ASB13: variants seen among roughly 807,000 people sequenced by gnomAD.
The protein encoded by ASB13 is ankyrin repeat and SOCS box containing 13, also known as ankyrin repeat and SOCS box protein 13.
Under a neutral mutation model 28.8 loss-of-function variants are expected in ASB13, and 33 were observed. The ratio of observed to expected loss-of-function variants is 1.15; its 90% CI spans 0.87 to 1.53. The LOEUF is 1.53. Ranked by LOEUF, ASB13 falls within the 40% of genes most tolerant of loss-of-function variation. The pLI is 0.00. For synonymous variants in ASB13, 182 were observed against 172.9 expected, an observed-to-expected ratio of 1.05 and a Z score of -0.41; for missense variants, 414 against 390.1, an observed-to-expected ratio of 1.06 and a Z score of -0.52.
Position 5,659,307 on chromosome 10 carries a change from A to G in ASB13, c.44-6257T>C, listed in dbSNP as rs1300867450. 6.6e-6 allele frequency among the ~76,000 whole-genome samples: 1 copy of G among 152,134 alleles called. No individual in the cohort carries two copies. The highest frequency in any genetic ancestry group is 2.4e-5 in the African/African-American group (1 of 41,422). On this transcript the variant is annotated intron_variant, in intron 1 of 5. Coordinates refer to ENST00000357700, the MANE Select transcript of ASB13 (RefSeq NM_024701.4). The surrounding 1 kb of genome is among the most constrained non-coding windows in gnomAD (Gnocchi z 5.8). The stretch of plus-strand genomic sequence containing the variant: ...CCTAAATCCCACCCACTGCTGCCAC[A>G]TAATAGGTTGCCCCCTCCCTAATGC...
At chr10:5,662,985 G>A (rs2131459733) in intron 1 of ASB13, among the ~76,000 whole-genome samples, 1 of 152,282 alleles carries the variant, frequency 6.6e-6, no homozygotes, top group South Asian at 2.1e-4. Context: ...CCACTTACAA[G>A]TCTGGGCTCA....
rs146312730 is a variant in ASB13 at position 5,649,125 on chromosome 10, G to C, written c.383-21C>G. On this transcript the variant is annotated intron_variant, in intron 3 of 5. Transcript: ENST00000357700. The surrounding 1 kb of genome is among the most constrained non-coding windows in gnomAD (Gnocchi z 6.4). ...ACTCCCTTAAGATAAATGGAAAAGG[G>C]GGGGAATGTCCTTGAATACGGACAC... The C allele has an allele frequency of 9.1e-4, 1,473 of 1,613,846 alleles. 6 individuals carry two copies. The African/African-American group carries it at 0.011, about 12-fold the overall frequency.
In ASB13 at chr10:5,645,160, C is replaced by G. The variant is rs952693232; in HGVS notation, c.518-3199G>C. ...GTGACGTGACGGGACCGCCTAAGAC[C>G]TTAGCACGCCAAGACTGGCACAATC... On this transcript the variant is annotated intron_variant, in intron 4 of 5. Coordinates refer to ENST00000357700, the MANE Select transcript of ASB13 (RefSeq NM_024701.4). This position sits in a 1 kb window ranked among gnomAD's most constrained non-coding sequence, Gnocchi z 5.4. Among the ~76,000 whole-genome samples the G allele has an allele frequency of 1.5e-4, 23 of 151,986 alleles. No individual in the cohort carries two copies. The highest frequency in any genetic ancestry group is 4.1e-4 in the African/African-American group (17 of 41,450).
Position 5,659,182 on chromosome 10 carries a change from C to T in ASB13, c.44-6132G>A, listed in dbSNP as rs111689026. ...TCCCTGTGGTGGCAAGACGCCCCCC[C>T]TCCCCAATCCCTGCACCCTCTCCCT... On this transcript the variant is annotated intron_variant, in intron 1 of 5. Coordinates refer to ENST00000357700, the MANE Select transcript of ASB13 (RefSeq NM_024701.4). This position sits in a 1 kb window ranked among gnomAD's most constrained non-coding sequence, Gnocchi z 5.8. Among the ~76,000 whole-genome samples the T allele has an allele frequency of 6.6e-6, 1 of 152,204 alleles. No individual in the cohort carries two copies. The highest frequency in any genetic ancestry group is 2.4e-5 in the African/African-American group (1 of 41,450).
At chr10:5,653,663 T>C (rs1835025250) in intron 1 of ASB13, among the ~76,000 whole-genome samples, 1 of 52,372 alleles carries the variant, frequency 1.9e-5, no homozygotes, top group Non-Finnish European at 4.1e-5. Context: ...ATGCCATTTA[T>C]TTATTTATTT....
chr10:5,653,724 C>G (rs1212785722), intron 1 of ASB13, among the ~76,000 whole-genome samples: 2 of 152,110 alleles, frequency 1.3e-5, no homozygotes, highest in Non-Finnish European at 2.9e-5. Context: ...CTCTGTCACC[C>G]AGGCTGGAGT....
rs1242821433 is a variant in ASB13 at position 5,642,242 on chromosome 10, G to C, written c.518-281C>G. On this transcript the variant is annotated intron_variant, in intron 4 of 5. Coordinates refer to ENST00000357700, the MANE Select transcript of ASB13 (RefSeq NM_024701.4). This position sits in a 1 kb window ranked among gnomAD's most constrained non-coding sequence, Gnocchi z 4.1. ...AGAAAAATAAAACGAAAAATGTCCTGAGTTAAACAACCGTTCTAATGCCCT... is the reference window on the plus strand; with the variant it reads ...AGAAAAATAAAACGAAAAATGTCCTCAGTTAAACAACCGTTCTAATGCCCT... 6.6e-6 allele frequency among the ~76,000 whole-genome samples: 1 copy of C among 152,162 alleles called. No homozygotes were observed. The highest frequency in any genetic ancestry group is 1.5e-5 in the Non-Finnish European group (1 of 68,030).
At chr10:5,646,460 G>A (rs1035136166) in intron 4 of ASB13, among the ~76,000 whole-genome samples, 2 of 152,246 alleles carry the variant, frequency 1.3e-5, no homozygotes, top group Non-Finnish European at 2.9e-5. Context: ...AACGTCTGGC[G>A]TGTAGGCCTG....
chr10:5,651,210 C>T lies in ASB13; in HGVS notation c.382+3G>A. ...GGGCCAGCCCAGCCGTCTGCCAACT[C>T]ACCGCTCATGCAGGCCTCGTGCAGG... On this transcript the variant is annotated splice_donor_region_variant and intron_variant, in intron 3 of 5. Transcript: ENST00000357700. The surrounding 1 kb of genome is among the most constrained non-coding windows in gnomAD (Gnocchi z 5.1). 1.9e-6 allele frequency: 3 copies of T among 1,600,842 alleles called. No individual in the cohort carries two copies. Among genetic ancestry groups the T allele is most frequent in the Non-Finnish European group, 2.6e-6 (3 of 1,173,562 alleles).
At position 5,664,441 on chromosome 10, in the gene ASB13, A is replaced by G. The variant is rs558476532; in HGVS notation, c.43+2068T>C. ...AACAAAAAGAACACCCGCCATGTCCAAGAAAAGCAAGACATTACACAAAAA... is the reference window on the plus strand; with the variant it reads ...AACAAAAAGAACACCCGCCATGTCCGAGAAAAGCAAGACATTACACAAAAA... On this transcript the variant is annotated intron_variant, in intron 1 of 5. Transcript: ENST00000357700. The surrounding 1 kb of genome is among the most constrained non-coding windows in gnomAD (Gnocchi z 4.2). 2.6e-5 allele frequency among the ~76,000 whole-genome samples: 4 copies of G among 152,338 alleles called. No individual in the cohort carries two copies. In the East Asian group the frequency reaches 7.7e-4, roughly 29 times the overall value.
At chr10:5,643,174 A>C (rs1834835859) in intron 4 of ASB13, among the ~76,000 whole-genome samples, 1 of 152,238 alleles carries the variant, frequency 6.6e-6, no homozygotes, top group South Asian at 2.1e-4. Context: ...TGATAGATTC[A>C]AACCACAAAC....
rs535586563 is a variant in ASB13 at position 5,651,157 on chromosome 10, G to C, written c.382+56C>G. The stretch of plus-strand genomic sequence containing the variant: ...CCTTCCCTAAGTCCCTTTAATCCCA[G>C]AAAGGAGGAAACTTCCAGAGCCCAG... On this transcript the variant is annotated intron_variant, in intron 3 of 5. Coordinates refer to ENST00000357700, the MANE Select transcript of ASB13 (RefSeq NM_024701.4). This position sits in a 1 kb window ranked among gnomAD's most constrained non-coding sequence, Gnocchi z 5.1. The C allele has an allele frequency of 7.5e-5, 115 of 1,539,122 alleles. No individual in the cohort carries two copies. The African/African-American group carries it at 1.4e-3, about 19-fold the overall frequency.
rs1423398946 is a variant in ASB13 at position 5,651,131 on chromosome 10, TC to T, written c.382+81del. The T allele has an allele frequency of 1.3e-6, 2 of 1,488,178 alleles. No individual in the cohort carries two copies. The highest frequency in any genetic ancestry group is 2.8e-5 in the African/African-American group (2 of 70,762). 92.2% of individuals were successfully genotyped at this position (1,488,178 alleles called of 1,614,324 possible). The stretch of plus-strand genomic sequence containing the variant: ...GGCTCCCAATTCTGTCTACTCTGCT[TC>T]CTTCCCTAAGTCCCTTTAATCCCAG... On this transcript the variant is annotated intron_variant, in intron 3 of 5. Coordinates refer to ENST00000357700, the MANE Select transcript of ASB13 (RefSeq NM_024701.4). This position sits in a 1 kb window ranked among gnomAD's most constrained non-coding sequence, Gnocchi z 5.1.
rs940269532 is a variant in ASB13 at position 5,658,606 on chromosome 10, A to G, written c.44-5556T>C. ...TTCATGGGGACAGAATTTCAGTTTT[A>G]CAGGATGAAAAAGTTCTAGAGATCT... On this transcript the variant is annotated intron_variant, in intron 1 of 5. Coordinates refer to ENST00000357700, the MANE Select transcript of ASB13 (RefSeq NM_024701.4). The surrounding 1 kb of genome is among the most constrained non-coding windows in gnomAD (Gnocchi z 4.2). 6.6e-6 allele frequency among the ~76,000 whole-genome samples: 1 copy of G among 152,202 alleles called. No individual in the cohort carries two copies. Among genetic ancestry groups the G allele is most frequent in the Non-Finnish European group, 1.5e-5 (1 of 68,018 alleles).
In ASB13 at chr10:5,641,360, C is replaced by T. The variant is rs1340394537; in HGVS notation, c.709+410G>A. On this transcript the variant is annotated intron_variant, in intron 5 of 5. Transcript: ENST00000357700. This position sits in a 1 kb window ranked among gnomAD's most constrained non-coding sequence, Gnocchi z 8.4. ...CAGGTGATCTGCCCGCCTCAGCCTC[C>T]CAAAGTGCTGTGATTACAGGTGTGA... is the stretch of plus-strand genomic sequence containing the variant. Among the ~76,000 whole-genome samples, 5 of 152,184 alleles carry T rather than the reference C, an allele frequency of 3.3e-5. No homozygotes were observed. The highest frequency in any genetic ancestry group is 7.3e-5 in the Non-Finnish European group (5 of 68,036).
rs1398852780 is a variant in ASB13 at position 5,652,254 on chromosome 10, C to T, written c.231+609G>A. Among the ~76,000 whole-genome samples, 1 of 152,124 alleles carries T rather than the reference C, an allele frequency of 6.6e-6. No homozygotes were observed. The highest frequency in any genetic ancestry group is 1.5e-5 in the Non-Finnish European group (1 of 68,018). ...AACCTTTTGGGAAGAGTAAACAGTA[C>T]ACTGTCTTCCCTTCTTCCTCACCCC... is the stretch of plus-strand genomic sequence containing the variant. On this transcript the variant is annotated intron_variant, in intron 2 of 5. Transcript: ENST00000357700. The surrounding 1 kb of genome is among the most constrained non-coding windows in gnomAD (Gnocchi z 5.0).
Position 5,641,577 on chromosome 10 carries a change from A to T in ASB13, c.709+193T>A, listed in dbSNP as rs1247740890. The stretch of plus-strand genomic sequence containing the variant: ...CTTCTGCTGCTCCACGCCACGGGCC[A>T]CAGGGAACCCAGGGAGAGCTGGGGC... On this transcript the variant is annotated intron_variant, in intron 5 of 5. Coordinates refer to ENST00000357700, the MANE Select transcript of ASB13 (RefSeq NM_024701.4). This position sits in a 1 kb window ranked among gnomAD's most constrained non-coding sequence, Gnocchi z 8.4. 1.3e-5 allele frequency among the ~76,000 whole-genome samples: 2 copies of T among 152,176 alleles called. No homozygotes were observed. The highest frequency in any genetic ancestry group is 4.8e-5 in the African/African-American group (2 of 41,454).
In ASB13 at chr10:5,658,420, GAA is replaced by G. The variant is rs140151394; in HGVS notation, c.44-5372_44-5371del. Among the ~76,000 whole-genome samples the G allele has an allele frequency of 7.6e-5, 10 of 131,680 alleles. No homozygotes were observed. Among genetic ancestry groups the G allele is most frequent in the African/African-American group, 3.0e-4 (10 of 33,802 alleles). The allele number at this position is 131,680 out of a possible 152,430, so 86.4% of individuals were successfully genotyped here. A position where few individuals can be genotyped will look rare whatever the true frequency, so the allele number is the denominator to read the frequency against. ...CACTACGGCCTGGGTGACTTTGTCT[GAA>G]AAAAAAAAAAAAAACAAAACCAAAT... On this transcript the variant is annotated intron_variant, in intron 1 of 5. Coordinates refer to ENST00000357700, the MANE Select transcript of ASB13 (RefSeq NM_024701.4). The surrounding 1 kb of genome is among the most constrained non-coding windows in gnomAD (Gnocchi z 4.2).
intron 4 of ASB13, among the ~76,000 whole-genome samples, chr10:5,648,534 T>G (rs61832722): frequency 0.11 from 10,922 of 97,852 alleles, 1,186 homozygotes; most frequent in Middle Eastern, 0.17. Context: ...AAACACCTAC[T>G]CAGGTAAACA....
Sources: gnomAD v4.1 joint callset for allele counts (sites outside exome capture counted in the v4.1 genomes callset) on GRCh38, gnomAD v4.1.1 for gene constraint, Gnocchi (gnomAD v3.1) non-coding constraint, MANE v1.5 for transcripts, NCBI Gene and HGNC (gene_info 2026-07-23, HGNC 2026-07-21) for gene names.